GTF2IRD1: variants seen among roughly 807,000 people sequenced by gnomAD.
GTF2IRD1 encodes GTF2I repeat domain containing 1, also known as general transcription factor II-I repeat domain-containing protein 1.
GTF2IRD1 carries 26 observed loss-of-function variants against 113.2 expected under a neutral mutation model. The observed-to-expected ratio is 0.23, with a 90% CI of 0.17 to 0.32. The LOEUF is 0.32. Among genes scored for constraint, GTF2IRD1 ranks in the 10% least tolerant of loss-of-function variants. The pLI, the probability that GTF2IRD1 is intolerant of heterozygous loss-of-function variation, is 1.00. For missense variants in GTF2IRD1, 864 were observed against 1,280.8 expected, an observed-to-expected ratio of 0.67 and a Z score of 4.97; for synonymous variants, 484 against 529.1, an observed-to-expected ratio of 0.91 and a Z score of 1.17.
intron 22 of GTF2IRD1, among the ~76,000 whole-genome samples, chr7:74,580,320 C>T (rs148210870): frequency 2.5e-3 from 383 of 152,232 alleles, no homozygotes; most frequent in Non-Finnish European, 4.5e-3. Flanking sequence ...TGCTACAGAT[C>T]GCAGTCTCTC....
At chr7:74,583,965 T>C (rs1368813431) in intron 22 of GTF2IRD1, among the ~76,000 whole-genome samples, 2 of 152,126 alleles carry the variant, frequency 1.3e-5, no homozygotes, top group African/African-American at 4.8e-5. Flanking sequence ...AAGTCCTCCC[T>C]GACTCCCAGC....
At chr7:74,546,576 A>G (rs1409883259) in intron 16 of GTF2IRD1, among the ~76,000 whole-genome samples, 1 of 152,102 alleles carries the variant, frequency 6.6e-6, no homozygotes, top group Non-Finnish European at 1.5e-5. Flanking sequence ...GACCCACTTT[A>G]CAGATGAGGA....
At chr7:74,471,956 C>T (rs1554332520) in intron 1 of GTF2IRD1, among the ~76,000 whole-genome samples, 1 of 152,152 alleles carries the variant, frequency 6.6e-6, no homozygotes, top group Non-Finnish European at 1.5e-5. Context: ...GGCGCCACTG[C>T]TCTCCAGCCT....
intron 1 of GTF2IRD1, among the ~76,000 whole-genome samples, chr7:74,472,330 A>G (rs1289277801): frequency 3.9e-5 from 6 of 152,182 alleles, no homozygotes; most frequent in African/African-American, 1.4e-4. Context: ...GGAGCCATAG[A>G]ATGTTAGAAC....
intron 17 of GTF2IRD1, among the ~76,000 whole-genome samples, chr7:74,550,805 G>A (rs1554354812): frequency 6.6e-6 from 1 of 151,572 alleles, no homozygotes; most frequent in African/African-American, 2.4e-5. Context: ...AAAACAGGAG[G>A]GTCGCTTGAG....
intron 2 of GTF2IRD1, among the ~76,000 whole-genome samples, chr7:74,510,286 G>A (rs991809551): frequency 4.6e-5 from 7 of 151,510 alleles, no homozygotes; most frequent in African/African-American, 1.7e-4. Flanking sequence ...ATGGCCACTA[G>A]TGACATGTGG....
At chr7:74,527,190 T>A (rs1797651986) in intron 8 of GTF2IRD1, among the ~76,000 whole-genome samples, 2 of 152,238 alleles carry the variant, frequency 1.3e-5, no homozygotes, top group East Asian at 1.9e-4. Context: ...GGGTGACCCA[T>A]GAAAGTACTT....
chr7:74,539,414 C>G (rs1354975406), intron 13 of GTF2IRD1, among the ~76,000 whole-genome samples: 6 of 152,076 alleles, frequency 3.9e-5, no homozygotes, highest in African/African-American at 1.4e-4. Flanking sequence ...CACCACTGCA[C>G]TCCAGCCTGG....
intron 25 of GTF2IRD1, among the ~76,000 whole-genome samples, chr7:74,598,202 G>A (rs1330569807): frequency 2.1e-5 from 3 of 145,964 alleles, no homozygotes; most frequent in Non-Finnish European, 4.4e-5. Context: ...CAGCCTGGGC[G>A]ACAGAGTGAG....
At chr7:74,464,009 C>G (rs1554330184) in intron 1 of GTF2IRD1, among the ~76,000 whole-genome samples, 2 of 152,162 alleles carry the variant, frequency 1.3e-5, no homozygotes, top group Non-Finnish European at 2.9e-5. Context: ...CAGGTGTGAG[C>G]CACCGCGCCC....
At chr7:74,498,121 T>A (rs1584526573) in intron 1 of GTF2IRD1, among the ~76,000 whole-genome samples, 1 of 152,180 alleles carries the variant, frequency 6.6e-6, no homozygotes, top group South Asian at 2.1e-4. Context: ...CATTTGTATA[T>A]CTTCTTAGGG....
rs544376791 is a variant in GTF2IRD1 at position 74,498,885 on chromosome 7, C to T, written c.-6-9190C>T. 1.4e-4 allele frequency among the ~76,000 whole-genome samples: 21 copies of T among 152,176 alleles called. 1 individual carries two copies. Among genetic ancestry groups the T allele is most frequent in the Admixed American group, 1.4e-3 (21 of 15,264 alleles). On this transcript the variant is annotated intron_variant, in intron 1 of 26. Coordinates refer to ENST00000424337, the MANE Select transcript of GTF2IRD1 (RefSeq NM_005685.4). Reference sequence around the variant, plus strand: ...CTGGGACTATAGGCGTGTACCACCACCCCCAGCTAATTTTTTGTATTTTTA... The same window carrying T: ...CTGGGACTATAGGCGTGTACCACCATCCCCAGCTAATTTTTTGTATTTTTA...
chr7:74,557,738 C>G lies in GTF2IRD1; in HGVS notation c.2107+16C>G. The G allele has an allele frequency of 6.5e-7, 1 of 1,530,370 alleles. No individual in the cohort carries two copies. The highest frequency in any genetic ancestry group is 9.0e-7 in the Non-Finnish European group (1 of 1,106,122). 94.8% of individuals were successfully genotyped at this position (1,530,370 alleles called of 1,614,324 possible). ...AAGAAATACGGTAAGCAGTGCAGAA[C>G]CCCCGGGGAGGGACACGCAGCTGCT... On this transcript the variant is annotated intron_variant, in intron 20 of 26. Transcript: ENST00000424337.
At chr7:74,467,282 G>T (rs189420001) in intron 1 of GTF2IRD1, among the ~76,000 whole-genome samples, 1 of 152,006 alleles carries the variant, frequency 6.6e-6, no homozygotes, top group African/African-American at 2.4e-5. Flanking sequence ...TCTCGTTGGC[G>T]CTCCTCTACC....
intron 22 of GTF2IRD1, among the ~76,000 whole-genome samples, chr7:74,560,541 T>G (rs1296929232): frequency 6.8e-6 from 1 of 147,100 alleles, no homozygotes; most frequent in African/African-American, 2.5e-5. Flanking sequence ...AAATATTATA[T>G]ATAATTAAAA....
intron 22 of GTF2IRD1, among the ~76,000 whole-genome samples, chr7:74,574,756 C>T (rs959836799): frequency 9.2e-5 from 14 of 151,352 alleles, no homozygotes; most frequent in African/African-American, 2.2e-4. Context: ...CCACCGTGCC[C>T]GGCCTATGCT....
intron 1 of GTF2IRD1, among the ~76,000 whole-genome samples, chr7:74,488,758 AAG>A (rs782720446): frequency 1.3e-5 from 2 of 149,704 alleles, no homozygotes; most frequent in Non-Finnish European, 1.5e-5. Context: ...AGAAGAAAAA[AAG>A]AGAGAGAGAG....
At chr7:74,501,281 G>A (rs370472528) in intron 1 of GTF2IRD1, among the ~76,000 whole-genome samples, 1 of 152,322 alleles carries the variant, frequency 6.6e-6, no homozygotes, top group East Asian at 1.9e-4. Flanking sequence ...GCTGCGTTGT[G>A]GGGTGATGGG....
At chr7:74,525,124 C>A (rs1189444870) in intron 8 of GTF2IRD1, among the ~76,000 whole-genome samples, 4 of 152,182 alleles carry the variant, frequency 2.6e-5, no homozygotes, top group African/African-American at 4.8e-5. Context: ...GTGCAAGTCC[C>A]CCACAGTAAC....
Sources: allele counts gnomAD v4.1 joint callset (sites outside exome capture counted in the v4.1 genomes callset), GRCh38; gene constraint gnomAD v4.1.1; transcripts MANE v1.5; gene names NCBI Gene and HGNC (gene_info 2026-07-23, HGNC 2026-07-21).